The following CMYA5 variants were observed in gnomAD, a reference collection of about 807,000 sequenced individuals.
The protein encoded by CMYA5 is cardiomyopathy associated 5.
CMYA5 carries 246 observed loss-of-function variants against 318.9 expected under a neutral mutation model. The observed-to-expected ratio is 0.77, with a 90% CI of 0.70 to 0.86. CMYA5 has a LOEUF of 0.86. CMYA5 is among the 40% of genes least tolerant of loss of function. The pLI is 0.00. For synonymous variants in CMYA5, 1,641 were observed against 1,729.5 expected (o/e 0.95, Z 1.27); for missense variants, 4,589 against 4,678.2 (o/e 0.98, Z 0.56).
chr5:79,732,083 T>A lies in CMYA5; in HGVS notation c.3318T>A (p.Tyr1106Ter). The A allele has an allele frequency of 2.5e-6, 4 of 1,613,902 alleles. No homozygotes were observed. The highest frequency in any genetic ancestry group is 3.4e-6 in the Non-Finnish European group (4 of 1,179,846). ...IPTTSTSVSE[Y>*]LILAQKQKTQ... is the part of the protein sequence containing the mutation. Reference sequence around the variant, plus strand: ...CAACCTCAACATCTGTATCTGAATATCTCATTTTGGCACAGAAGCAGAAAA... The same window carrying A: ...CAACCTCAACATCTGTATCTGAATAACTCATTTTGGCACAGAAGCAGAAAA... The change falls in exon 2 of 13, where the codon TAT (tyrosine) becomes TAA (stop). Residue 1106 changes from tyrosine (Y) to a stop codon, truncating the protein, a stop_gained. Transcript: ENST00000446378. LOFTEE classifies it high-confidence loss of function.
chr5:79,743,606 G>A (rs2151090053), intron 2 of CMYA5, among the ~76,000 whole-genome samples: 1 of 152,232 alleles, frequency 6.6e-6, no homozygotes. Context: ...CTGTCTTTGT[G>A]TAGTTGTTTT....
chr5:79,766,585 C>T (rs575117547), intron 9 of CMYA5, among the ~76,000 whole-genome samples: 3 of 152,230 alleles, frequency 2.0e-5, no homozygotes, highest in African/African-American at 4.8e-5. Flanking sequence ...GTCATTGGTT[C>T]TGTTTATGTG....
Position 79,736,186 on chromosome 5 carries a change from C to T in CMYA5, c.7421C>T (p.Ala2474Val), listed in dbSNP as rs1415167113. 6.2e-7 allele frequency: 1 copy of T among 1,613,480 alleles called. No homozygotes were observed. The highest frequency in any genetic ancestry group is 8.5e-7 in the Non-Finnish European group (1 of 1,179,716). ...ACCTTGGCAGAAAAGAAGGTGCTGGCAGAAAAACAAAACTCTGTGGCCCCA... is the reference window on the plus strand; with the variant it reads ...ACCTTGGCAGAAAAGAAGGTGCTGGTAGAAAAACAAAACTCTGTGGCCCCA... ...SYTLAEKKVL[A>V]EKQNSVAPLE... The change falls in exon 2 of 13, where the codon GCA becomes GTA. Residue 2474 changes from alanine (A) to valine (V), a missense_variant. Coordinates refer to ENST00000446378, the MANE Select transcript of CMYA5 (RefSeq NM_153610.5).
Position 79,734,549 on chromosome 5 carries a change from G to A in CMYA5, c.5784G>A (p.Gln1928=). The change falls in exon 2 of 13, where the codon CAG becomes CAA. Residue 1928 remains glutamine (Q), a synonymous_variant. Transcript: ENST00000446378. ...GCAGCAATGAGCTGAGGCCAGGGCA[G>A]CTCAAGGCTGCTGTGTCCAGTAAGG... ...SSSSNELRPG[Q]LKAAVSSKDH... is the part of the protein sequence containing the mutation. The A allele has an allele frequency of 6.2e-7, 1 of 1,613,892 alleles. No homozygotes were observed. The highest frequency in any genetic ancestry group is 1.1e-5 in the South Asian group (1 of 91,078).
Position 79,738,813 on chromosome 5 carries a change from G to T in CMYA5, c.10048G>T (p.Glu3350Ter). The T allele has an allele frequency of 3.1e-6, 5 of 1,613,826 alleles. No homozygotes were observed. Among genetic ancestry groups the T allele is most frequent in the Non-Finnish European group, 4.2e-6 (5 of 1,179,858 alleles). The stretch of plus-strand genomic sequence containing the variant: ...ATTTGAAGACACCCATCATGTTCTG[G>T]AGCGTGCAGATGAAGCAGGCAGTCA... ...VPFEDTHHVLERADEAGSHGN... is the reference protein window; with the variant it reads ...VPFEDTHHVL Residue 3350 changes from glutamate to a stop codon, truncating the protein, a stop_gained, in exon 2 of 13, where the codon GAG (glutamate) becomes TAG (stop). Coordinates refer to ENST00000446378, the MANE Select transcript of CMYA5 (RefSeq NM_153610.5). LOFTEE classifies it high-confidence loss of function.
chr5:79,753,205 T>C (rs1828465341), intron 6 of CMYA5, among the ~76,000 whole-genome samples: 1 of 152,168 alleles, frequency 6.6e-6, no homozygotes, highest in African/African-American at 2.4e-5. Context: ...TTTTCCCCTC[T>C]TCAATTCAGT....
chr5:79,761,739 A>T (rs1418801411), intron 7 of CMYA5, 72 bp from the exon 8 acceptor site: 3 of 1,469,676 alleles, frequency 2.0e-6, no homozygotes, highest in Non-Finnish European at 2.7e-6. Context: ...ATCATAGATG[A>T]CTTTCTCCAG....
chr5:79,799,137 A>G (rs1414329239), intron 12 of CMYA5, among the ~76,000 whole-genome samples: 1 of 152,216 alleles, frequency 6.6e-6, no homozygotes, highest in Non-Finnish European at 1.5e-5. Context: ...CTATTCTGGG[A>G]CTGCCTCCTA....
Position 79,732,548 on chromosome 5 carries a change from T to C in CMYA5, c.3783T>C (p.Asn1261=). Residue 1261 remains asparagine, a synonymous_variant, in exon 2 of 13, where the codon AAT becomes AAC. Coordinates refer to ENST00000446378, the MANE Select transcript of CMYA5 (RefSeq NM_153610.5). ...GTGTCAAGCCCAAATTAGTTCTAAA[T>C]GTGACTTCTGAACTAGAACAGAGAA... ...KKGVKPKLVL[N]VTSELEQRKL... 6.2e-7 allele frequency: 1 copy of C among 1,613,044 alleles called. No individual in the cohort carries two copies. The highest frequency in any genetic ancestry group is 8.5e-7 in the Non-Finnish European group (1 of 1,179,568).
At position 79,731,987 on chromosome 5, in the gene CMYA5, G is replaced by A. The variant is rs148452338; in HGVS notation, c.3222G>A (p.Pro1074=). 4.3e-5 allele frequency: 69 copies of A among 1,613,754 alleles called. 1 individual carries two copies. The East Asian group carries it at 1.3e-3, about 30-fold the overall frequency. ...CTGAAACTTTCCCTTTGATGTCTCC[G>A]CTTGAAGACTTAAGTCTGCCGCCTT... ...QKAETFPLMS[P]LEDLSLPPST... is the part of the protein sequence containing the mutation. Residue 1074 remains proline, a synonymous_variant, in exon 2 of 13, where the codon CCG becomes CCA. Transcript: ENST00000446378.
chr5:79,696,310 G>T (rs143746706), intron 1 of CMYA5, among the ~76,000 whole-genome samples: 1 of 152,078 alleles, frequency 6.6e-6, no homozygotes, highest in African/African-American at 2.4e-5. Context: ...GATCATAGAC[G>T]GAAAAATAAG....
At position 79,736,568 on chromosome 5, in the gene CMYA5, G is replaced by A. The variant is rs1164209503; in HGVS notation, c.7803G>A (p.Met2601Ile). The A allele has an allele frequency of 1.5e-5, 24 of 1,613,574 alleles. No individual in the cohort carries two copies. Among genetic ancestry groups the A allele is most frequent in the Non-Finnish European group, 1.9e-5 (23 of 1,179,758 alleles). ...ATSVTEKSEA[M>I]LAEAHPEIRE... Reference sequence around the variant, plus strand: ...CAGTTACTGAAAAATCAGAAGCCATGCTCGCAGAGGCTCACCCAGAAATCA... The same window carrying A: ...CAGTTACTGAAAAATCAGAAGCCATACTCGCAGAGGCTCACCCAGAAATCA... The change falls in exon 2 of 13, where the codon ATG becomes ATA. Residue 2601 changes from methionine (M) to isoleucine (I), a missense_variant. Coordinates refer to ENST00000446378, the MANE Select transcript of CMYA5 (RefSeq NM_153610.5).
rs1456730107 is a variant in CMYA5, at chr5:79,799,586, A to G, written c.12180A>G (p.Ile4060Met). The G allele has an allele frequency of 3.1e-6, 5 of 1,613,508 alleles. No homozygotes were observed. Among genetic ancestry groups the G allele is most frequent in the Non-Finnish European group, 4.2e-6 (5 of 1,179,626 alleles). ...KPGKCTLHLG[I>M]EPPDSVRHK The stretch of plus-strand genomic sequence containing the variant: ...GAAAATGTACTTTGCACCTGGGGAT[A>G]GAGCCCCCGGATTCTGTAAGGCACA... Residue 4060 changes from isoleucine (I) to methionine (M), a missense_variant, in exon 13 of 13, where the codon ATA becomes ATG. By Grantham distance (10) the Ile-to-Met change is conservative (BLOSUM62 1). Around this residue, in one of 3 missense-constraint regions of CMYA5, gnomAD observed 2,431 missense variants for 2,495.1 expected, o/e 0.97. Transcript: ENST00000446378.
At chr5:79,709,960 CAAAAAAAAAA>C (rs61657639) in intron 1 of CMYA5, among the ~76,000 whole-genome samples, 27 of 24,320 alleles carry the variant, frequency 1.1e-3, no homozygotes, top group African/African-American at 2.1e-3. Flanking sequence ...GACTCCATCT[CAAAAAAAAAA>C]AAAAAAAAAA....
chr5:79,741,672 T>C (rs1828210167), intron 2 of CMYA5, among the ~76,000 whole-genome samples: 1 of 152,156 alleles, frequency 6.6e-6, no homozygotes, highest in Non-Finnish European at 1.5e-5. Flanking sequence ...GGTGATACTT[T>C]GTTTTAACTC....
rs1406470849 is a variant in CMYA5, at chr5:79,735,005, A to G, written c.6240A>G (p.Glu2080=). 3.1e-6 allele frequency: 5 copies of G among 1,613,676 alleles called. No individual in the cohort carries two copies. The highest frequency in any genetic ancestry group is 4.2e-6 in the Non-Finnish European group (5 of 1,179,804). The change falls in exon 2 of 13, where the codon GAA becomes GAG. Residue 2080 remains glutamate (E), a synonymous_variant. Transcript: ENST00000446378. ...CCCATTTCCCGGCAGAAGGTGTGGA[A>G]CCTGCATTGGGCAATGAAAAAGAAG... The part of the protein sequence containing the change: ...KTAHFPAEGV[E]PALGNEKEAH...
At chr5:79,762,151 A>C (rs1828665429) in intron 8 of CMYA5, 194 bp downstream of exon 8, 1 of 524,916 alleles carries the variant, frequency 1.9e-6, no homozygotes, top group Non-Finnish European at 3.2e-6. Context: ...AGATGGAAAA[A>C]CAGAGGATCA....
chr5:79,743,248 C>T (rs1828253797), intron 2 of CMYA5, among the ~76,000 whole-genome samples: 1 of 152,108 alleles, frequency 6.6e-6, no homozygotes, highest in Admixed American at 6.6e-5. Flanking sequence ...GTACCATGCT[C>T]CCCTATCACC....
At chr5:79,744,251 A>G (rs536236383) in intron 3 of CMYA5, among the ~76,000 whole-genome samples, 1 of 152,330 alleles carries the variant, frequency 6.6e-6, no homozygotes, top group South Asian at 2.1e-4. Context: ...TTCCAATTGT[A>G]TAGATAAGAA....
Sources: allele counts gnomAD v4.1 joint callset (sites outside exome capture counted in the v4.1 genomes callset), GRCh38; gene constraint gnomAD v4.1.1; regional missense constraint gnomAD v4.1.1; transcripts MANE v1.5; gene names NCBI Gene and HGNC (gene_info 2026-07-23, HGNC 2026-07-21).